Variants in KIR2DL3 observed in about 807,000 individuals in gnomAD.
The protein encoded by KIR2DL3 is killer cell immunoglobulin-like receptor 2DL3.
KIR2DL3 carries 39 observed loss-of-function variants against 33.8 expected under a neutral mutation model. The ratio of observed to expected loss-of-function variants is 1.15; its 90% CI spans 0.89 to 1.51. The LOEUF is 1.51. Ranked by LOEUF, KIR2DL3 falls within the 40% of genes most tolerant of loss-of-function variation. KIR2DL3 has a pLI of 0.00. For synonymous variants in KIR2DL3, 174 were observed against 160.2 expected, an observed-to-expected ratio of 1.09 and a Z score of -0.65; for missense variants, 462 against 426.2, an observed-to-expected ratio of 1.08 and a Z score of -0.74.
At chr19:54,744,870 T>TTATATATATATATATATATATATATATA (rs1185648350) in intron 4 of KIR2DL3, among the ~76,000 whole-genome samples, 3 of 78,422 alleles carry the variant, frequency 3.8e-5, no homozygotes, top group Non-Finnish European at 7.7e-5. Flanking sequence ...ATAAATACAT[T>TTATATATATATATATATATATATATATA]TATATATATA....
chr19:54,745,256 T>C (rs1363133360), intron 4 of KIR2DL3, among the ~76,000 whole-genome samples: 8 of 152,168 alleles, frequency 5.3e-5, no homozygotes, highest in African/African-American at 1.7e-4. Flanking sequence ...GCACCAATCA[T>C]ACGAGTGCAG....
rs78713511 is a variant in KIR2DL3, at chr19:54,742,106, T to G, written c.197T>G (p.Phe66Cys). The G allele has an allele frequency of 8.1e-6, 13 of 1,600,838 alleles. No homozygotes were observed. The highest frequency in any genetic ancestry group is 4.1e-5 in the African/African-American group (3 of 73,156). The change falls in exon 3 of 8, where the codon TTT (phenylalanine) becomes TGT (cysteine). Residue 66 changes from phenylalanine to cysteine, a missense_variant. By Grantham distance (205) the Phe-to-Cys change is radical (BLOSUM62 -2). Transcript: ENST00000342376. ...TTCCTTCTGCACAGAGAAGGGAAGT[T>G]TAAGGACACTTTGCACCTCATTGGA... ...QHFLLHREGK[F>C]KDTLHLIGEH...
intron 4 of KIR2DL3, among the ~76,000 whole-genome samples, chr19:54,744,389 A>T (rs2071856472): frequency 6.6e-6 from 1 of 152,104 alleles, no homozygotes; most frequent in South Asian, 2.1e-4. Flanking sequence ...CAGCCCCTCA[A>T]CATTACCCAT....
In KIR2DL3 at chr19:54,744,074, T is replaced by A. The variant is rs1568957492; in HGVS notation, c.650T>A (p.Leu217His). 2.5e-6 allele frequency: 4 copies of A among 1,614,236 alleles called. No homozygotes were observed. The highest frequency in any genetic ancestry group is 3.4e-6 in the Non-Finnish European group (4 of 1,180,044). ...YEWSNSSDPL[L>H]VSVTGNPSNS... ...TGGTCAAACTCGAGTGACCCACTGC[T>A]TGTTTCTGTCACAGGTGAGGAAACC... Residue 217 changes from leucine (L) to histidine (H), a missense_variant, in exon 4 of 8, where the codon CTT becomes CAT. Transcript: ENST00000342376.
chr19:54,743,732 C>G, intron 3 of KIR2DL3, 63 bp from the exon 4 acceptor site: 2 of 1,421,708 alleles, frequency 1.4e-6, no homozygotes, highest in South Asian at 2.6e-5. Flanking sequence ...GAGTTCTCAG[C>G]TCAGGTGAAG....
intron 4 of KIR2DL3, among the ~76,000 whole-genome samples, 155 bp from the exon 5 acceptor site, chr19:54,747,180 C>T (rs201848681): frequency 0.014 from 1,752 of 123,642 alleles, no homozygotes; most frequent in South Asian, 0.043. Flanking sequence ...AGACAGTGGG[C>T]GTCACATACA....
intron 5 of KIR2DL3, among the ~76,000 whole-genome samples, chr19:54,747,780 G>A (rs1280042071): frequency 4.6e-5 from 7 of 151,736 alleles, no homozygotes; most frequent in South Asian, 4.2e-4. Flanking sequence ...ATGAATTACT[G>A]TTGGTCATGA....
intron 5 of KIR2DL3, among the ~76,000 whole-genome samples, chr19:54,751,410 T>G (rs1220718838): frequency 7.5e-6 from 1 of 132,512 alleles, no homozygotes; most frequent in Non-Finnish European, 1.6e-5. Context: ...GGGTGAAATT[T>G]CAATGTGAGG....
chr19:54,747,081 G>C (rs200502891), intron 4 of KIR2DL3, among the ~76,000 whole-genome samples: 11,669 of 98,640 alleles, frequency 0.12, 1,231 homozygotes, highest in Middle Eastern at 0.21. Context: ...ATGCCAATGT[G>C]ATGCTGTTTT....
intron 4 of KIR2DL3, among the ~76,000 whole-genome samples, chr19:54,744,897 T>TATATATAC (rs1555906428): frequency 1.7e-5 from 1 of 57,472 alleles, no homozygotes; most frequent in Non-Finnish European, 3.5e-5. Flanking sequence ...TATATATATA[T>TATATATAC]ACACACACAC....
chr19:54,750,488 A>T (rs931958042), intron 5 of KIR2DL3, among the ~76,000 whole-genome samples: 2 of 138,684 alleles, frequency 1.4e-5, no homozygotes, highest in African/African-American at 5.4e-5. Context: ...GACATAAGAG[A>T]ATTCTACTTA....
chr19:54,740,639 G>C (rs375841057), intron 2 of KIR2DL3, among the ~76,000 whole-genome samples: 14 of 151,738 alleles, frequency 9.2e-5, no homozygotes, highest in East Asian at 3.9e-4. Flanking sequence ...GTCCCATCAC[G>C]CAGGCCCTGA....
In KIR2DL3 at chr19:54,751,647, A is replaced by G; in HGVS notation, c.716-2A>G. The stretch of plus-strand genomic sequence containing the variant: ...TCTTATTGGTGTCTCCTCTTCTTCC[A>G]GGTAACCCCAGACACCTGCATGTTC... On this transcript the variant is annotated splice_acceptor_variant, in intron 5 of 7. Coordinates refer to ENST00000342376, the MANE Select transcript of KIR2DL3 (RefSeq NM_015868.3). LOFTEE classifies it high-confidence loss of function. The G allele has an allele frequency of 6.7e-7, 1 of 1,497,382 alleles. No individual in the cohort carries two copies. The highest frequency in any genetic ancestry group is 9.1e-7 in the Non-Finnish European group (1 of 1,101,814). The allele number at this position is 1,497,382 out of a possible 1,614,324, so 92.8% of individuals were successfully genotyped here. A position where few individuals can be genotyped will look rare whatever the true frequency, so the allele number is the denominator to read the frequency against.
At chr19:54,739,318 G>A (rs1222947300) in intron 1 of KIR2DL3, among the ~76,000 whole-genome samples, 189 bp from the exon 2 acceptor site, 92 of 149,626 alleles carry the variant, frequency 6.1e-4, no homozygotes, top group African/African-American at 2.1e-3. Context: ...CTTGGGGTGG[G>A]GATATGGGCC....
intron 1 of KIR2DL3, among the ~76,000 whole-genome samples, 181 bp from the exon 2 acceptor site, chr19:54,739,326 G>A (rs2070517003): frequency 2.0e-5 from 3 of 152,110 alleles, no homozygotes; most frequent in South Asian, 2.1e-4. Context: ...GGGGATATGG[G>A]CCTGGAAACT....
Position 54,750,029 on chromosome 19 carries a change from A to G in KIR2DL3, c.716-1620A>G, listed in dbSNP as rs1221025615. ...TGATCCTTTATCTTATCCATTAGGC[A>G]ATGAGCTTAAAACCTCTTCCCTATT... On this transcript the variant is annotated intron_variant, in intron 5 of 7. Transcript: ENST00000342376. 3.0e-4 allele frequency among the ~76,000 whole-genome samples: 40 copies of G among 132,532 alleles called. 11 individuals carry two copies. The highest frequency in any genetic ancestry group is 2.8e-3 in the Admixed American group (36 of 12,708). The allele number at this position is 132,532 out of a possible 152,430, so 86.9% of individuals were successfully genotyped here. A position where few individuals can be genotyped will look rare whatever the true frequency, so the allele number is the denominator to read the frequency against.
chr19:54,740,522 C>T (rs1217146005), intron 2 of KIR2DL3, among the ~76,000 whole-genome samples: 1 of 151,608 alleles, frequency 6.6e-6, no homozygotes, highest in Admixed American at 6.6e-5. Flanking sequence ...TGGTCAGCAC[C>T]CAGCAACCCC....
intron 2 of KIR2DL3, among the ~76,000 whole-genome samples, chr19:54,740,894 C>T (rs1353244981): frequency 6.8e-6 from 1 of 147,566 alleles, no homozygotes; most frequent in African/African-American, 2.5e-5. Flanking sequence ...TTAGAGCAGT[C>T]CAGTGGAAGT....
intron 4 of KIR2DL3, among the ~76,000 whole-genome samples, chr19:54,745,158 T>C (rs1382773244): frequency 6.6e-6 from 1 of 151,728 alleles, no homozygotes; most frequent in African/African-American, 2.4e-5. Flanking sequence ...TAGTCTCCAC[T>C]GTGCGTATGT....
Sources: allele counts gnomAD v4.1 joint callset (sites outside exome capture counted in the v4.1 genomes callset), GRCh38; gene constraint gnomAD v4.1.1; transcripts MANE v1.5; gene names NCBI Gene and HGNC (gene_info 2026-07-23, HGNC 2026-07-21).